Variants in SLCO6A1 observed in about 807,000 individuals in gnomAD.
The protein encoded by SLCO6A1 is cancer/testis antigen 48.
In SLCO6A1, 65 loss-of-function variants were observed where a neutral mutation model predicts 72.7. The observed-to-expected ratio is 0.89, with a 90% confidence interval of 0.73 to 1.10. The LOEUF is 1.10. SLCO6A1 is among the 50% of genes least tolerant of loss of function. The pLI, the probability that SLCO6A1 is intolerant of heterozygous loss-of-function variation, is 0.00. For missense variants in SLCO6A1, 874 were observed against 872.6 expected, an observed-to-expected ratio of 1.00 and a Z score of -0.02; for synonymous variants, 314 against 298.2, an observed-to-expected ratio of 1.05 and a Z score of -0.55.
chr5:102,428,303 T>C lies in SLCO6A1; in HGVS notation c.1277-8282A>G, dbSNP rs893045079. ...AGCAGTTGTGAAAAAACAATACAAG[T>C]AATACCAGAAAAACAATTGTTTGAA... On this transcript the variant is annotated intron_variant, in intron 7 of 13. Transcript: ENST00000506729. Among the ~76,000 whole-genome samples the C allele has an allele frequency of 2.0e-5, 3 of 151,758 alleles. No homozygotes were observed. In the South Asian group the frequency reaches 6.3e-4, roughly 32 times the overall value.
chr5:102,486,529 T>A lies in SLCO6A1; in HGVS notation c.359-6095A>T, dbSNP rs113600136. Among the ~76,000 whole-genome samples, 1,349 of 152,198 alleles carry A rather than the reference T, an allele frequency of 8.9e-3. 18 individuals are homozygous for A. Among genetic ancestry groups the A allele is most frequent in the African/African-American group, 0.031 (1,283 of 41,532 alleles). ...AATCATAAATCAACTGAGGTTAATT[T>A]ATAAAATAATGAAAAAAAGTCCAAC... On this transcript the variant is annotated intron_variant, in intron 1 of 13. Coordinates refer to ENST00000506729, the MANE Select transcript of SLCO6A1 (RefSeq NM_173488.5).
rs188966606 is a variant in SLCO6A1, at chr5:102,491,771, G to A, written c.358+6716C>T. On this transcript the variant is annotated intron_variant, in intron 1 of 13. Coordinates refer to ENST00000506729, the MANE Select transcript of SLCO6A1 (RefSeq NM_173488.5). ...AGCTGAGGGAGCCGGCTCCGGCCTTGGCCAGCCCAGAAAGGGGCTCCCACG... is the reference window on the plus strand; with the variant it reads ...AGCTGAGGGAGCCGGCTCCGGCCTTAGCCAGCCCAGAAAGGGGCTCCCACG... 6.2e-4 allele frequency among the ~76,000 whole-genome samples: 94 copies of A among 152,364 alleles called. 1 individual carries two copies. In the East Asian group the frequency reaches 0.013, roughly 20 times the overall value.
At chr5:102,391,347 T>G (rs1746747719) in intron 10 of SLCO6A1, 1 of 310,236 alleles carries the variant, frequency 3.2e-6, no homozygotes, top group East Asian at 6.1e-5. Context: ...CTAGATTTTA[T>G]ACTTACCGGT....
chr5:102,479,631 C>T (rs1752084864), intron 2 of SLCO6A1, among the ~76,000 whole-genome samples: 1 of 152,034 alleles, frequency 6.6e-6, no homozygotes. Context: ...ACTTCTTTCA[C>T]TATCATTTAA....
At chr5:102,400,997 T>A (rs1466489457) in intron 9 of SLCO6A1, among the ~76,000 whole-genome samples, 1 of 151,840 alleles carries the variant, frequency 6.6e-6, no homozygotes, top group Non-Finnish European at 1.5e-5. Flanking sequence ...AAAAAGGAAC[T>A]TGAGTATTTA....
At chr5:102,414,316 T>C (rs958568507) in intron 8 of SLCO6A1, among the ~76,000 whole-genome samples, 1 of 152,170 alleles carries the variant, frequency 6.6e-6, no homozygotes, top group Admixed American at 6.5e-5. Context: ...CTTAAAATTA[T>C]TGGAGCAAGA....
In SLCO6A1 at chr5:102,386,085, T is replaced by C. The variant is rs192188619; in HGVS notation, c.2017+2603A>G. On this transcript the variant is annotated intron_variant, in intron 12 of 13. Coordinates refer to ENST00000506729, the MANE Select transcript of SLCO6A1 (RefSeq NM_173488.5). The stretch of plus-strand genomic sequence containing the variant: ...GTGCCCAGGCATTGGATCTGCACTT[T>C]TGAAGAAGTAGACATTTATTCCAGT... Among the ~76,000 whole-genome samples the C allele has an allele frequency of 2.6e-5, 4 of 152,314 alleles. No homozygotes were observed. The East Asian group carries it at 5.8e-4, about 22-fold the overall frequency.
intron 7 of SLCO6A1, among the ~76,000 whole-genome samples, chr5:102,423,219 T>G (rs1231886448): frequency 6.6e-6 from 1 of 152,136 alleles, no homozygotes; most frequent in African/African-American, 2.4e-5. Flanking sequence ...CATCAACTAC[T>G]GTGCAAAATA....
intron 3 of SLCO6A1, 40 bp downstream of exon 3, chr5:102,477,636 C>A: frequency 6.4e-7 from 1 of 1,561,918 alleles, no homozygotes; most frequent in South Asian, 1.2e-5. Flanking sequence ...TCAAAGAAAA[C>A]TCAAAATGGG....
intron 7 of SLCO6A1, among the ~76,000 whole-genome samples, chr5:102,420,968 CG>C (rs529975408): frequency 6.6e-6 from 1 of 152,144 alleles, no homozygotes; most frequent in Admixed American, 6.5e-5. Flanking sequence ...CCACGGAGGC[CG>C]AGCAGAAGCA....
chr5:102,492,016 A>T (rs1047498687), intron 1 of SLCO6A1, among the ~76,000 whole-genome samples: 1 of 152,236 alleles, frequency 6.6e-6, no homozygotes, highest in Admixed American at 6.5e-5. Context: ...CACATCTTAC[A>T]TGGCCAGAGA....
At chr5:102,399,028 T>C (rs1747253344) in intron 10 of SLCO6A1, among the ~76,000 whole-genome samples, 4 of 152,108 alleles carry the variant, frequency 2.6e-5, no homozygotes, top group Admixed American at 2.6e-4. Flanking sequence ...TATTCTGCAC[T>C]ATGATACAAA....
In SLCO6A1 at chr5:102,375,676, G is replaced by C. The variant is rs145133032; in HGVS notation, c.2018-2182C>G. 5.2e-3 allele frequency among the ~76,000 whole-genome samples: 785 copies of C among 152,186 alleles called. 8 individuals are homozygous for C. Among genetic ancestry groups the C allele is most frequent in the African/African-American group, 0.018 (757 of 41,528 alleles). ...ATTTATCTACCAGAAAAGGCCGACA[G>C]GGTGCATGAAGAAATGAGAAATTTT... On this transcript the variant is annotated intron_variant, in intron 12 of 13. Transcript: ENST00000506729.
chr5:102,468,920 C>G (rs1048065234), intron 4 of SLCO6A1, among the ~76,000 whole-genome samples: 1 of 152,126 alleles, frequency 6.6e-6, no homozygotes, highest in African/African-American at 2.4e-5. Context: ...ATAGGGAATC[C>G]TTTCCCCGTT....
chr5:102,495,116 G>C (rs1752849048), intron 1 of SLCO6A1, among the ~76,000 whole-genome samples: 1 of 152,082 alleles, frequency 6.6e-6, no homozygotes, highest in African/African-American at 2.4e-5. Flanking sequence ...AAACCATCAA[G>C]CTATTAAAAG....
chr5:102,420,232 A>G (rs532420034), intron 7 of SLCO6A1, among the ~76,000 whole-genome samples: 1 of 152,212 alleles, frequency 6.6e-6, no homozygotes, highest in Non-Finnish European at 1.5e-5. Context: ...CCATAGGCCT[A>G]CTGACTTCAG....
chr5:102,477,855 C>G lies in SLCO6A1; in HGVS notation c.623G>C (p.Cys208Ser). The G allele has an allele frequency of 6.3e-7, 1 of 1,591,468 alleles. No homozygotes were observed. The highest frequency in any genetic ancestry group is 8.6e-7 in the Non-Finnish European group (1 of 1,167,740). The change falls in exon 3 of 14, where the codon TGC becomes TCC. Residue 208 changes from cysteine to serine, a missense_variant. Coordinates refer to ENST00000506729, the MANE Select transcript of SLCO6A1 (RefSeq NM_173488.5). ...KQSKVGIEDI[C>S]EEIKVVSGCQ... Reference sequence around the variant, plus strand: ...ACCACTGACAACCTTTATTTCTTCGCAAATATCTTTTGAAAATACAATGAT... The same window carrying G: ...ACCACTGACAACCTTTATTTCTTCGGAAATATCTTTTGAAAATACAATGAT...
intron 12 of SLCO6A1, among the ~76,000 whole-genome samples, chr5:102,374,049 T>C (rs950395913): frequency 6.6e-6 from 1 of 151,828 alleles, no homozygotes; most frequent in African/African-American, 2.4e-5. Context: ...TTTTTTTTTT[T>C]TCTTTTGAGA....
At chr5:102,448,185 G>C (rs1256573904) in intron 6 of SLCO6A1, among the ~76,000 whole-genome samples, 1 of 152,162 alleles carries the variant, frequency 6.6e-6, no homozygotes, top group African/African-American at 2.4e-5. Flanking sequence ...ATGGTTTTGA[G>C]AGATCTTCTT....
Sources: allele counts gnomAD v4.1 joint callset (sites outside exome capture counted in the v4.1 genomes callset), GRCh38; gene constraint gnomAD v4.1.1; transcripts MANE v1.5; gene names NCBI Gene and HGNC (gene_info 2026-07-23, HGNC 2026-07-21).